Variants in TMEM154 observed in about 807,000 individuals in gnomAD.
TMEM154 encodes the protein transmembrane protein 154.
In TMEM154, 27 loss-of-function variants were observed where a neutral mutation model predicts 24.5. That is an observed-to-expected ratio of 1.10 (90% CI 0.81 to 1.52). The LOEUF (loss-of-function observed/expected upper bound fraction) is 1.52. Among genes scored for constraint, TMEM154 ranks in the 40% most tolerant of loss-of-function variants. TMEM154 has a pLI of 0.00. For synonymous variants in TMEM154, 67 were observed against 76.8 expected, an observed-to-expected ratio of 0.87 and a Z score of 0.67; for missense variants, 228 against 213.4, an observed-to-expected ratio of 1.07 and a Z score of -0.43.
At chr4:152,668,923 T>A (rs765304550) in intron 1 of TMEM154, 1 of 152,340 alleles carries the variant, frequency 6.6e-6, no homozygotes, top group Non-Finnish European at 1.5e-5. Context: ...CTAAAGCAAC[T>A]GGGCTTCTGG....
chr4:152,672,085 C>A (rs1408985034), intron 1 of TMEM154, among the ~76,000 whole-genome samples: 10 of 90,880 alleles, frequency 1.1e-4, no homozygotes, highest in East Asian at 3.3e-4. Context: ...GAGACCCTAT[C>A]TCTATAAAAA....
chr4:152,652,271 G>A lies in TMEM154; in HGVS notation c.364+267C>T, dbSNP rs1448147883. On this transcript the variant is annotated intron_variant, in intron 3 of 6. Transcript: ENST00000304385. Reference sequence around the variant, plus strand: ...AATGGTTGCCATAAAACTTCAATTTGTTAAAAAAAAAAAAAAAAGCAATAC... The same window carrying A: ...AATGGTTGCCATAAAACTTCAATTTATTAAAAAAAAAAAAAAAAGCAATAC... Among the ~76,000 whole-genome samples the A allele has an allele frequency of 7.7e-5, 8 of 103,922 alleles. No individual in the cohort carries two copies. The South Asian group carries it at 2.1e-3, about 27-fold the overall frequency. The allele number at this position is 103,922 out of a possible 152,430, so 68.2% of individuals were successfully genotyped here. A position where few individuals can be genotyped will look rare whatever the true frequency, so the allele number is the denominator to read the frequency against.
At position 152,627,626 on chromosome 4, in the gene TMEM154, G is replaced by A. The variant is rs1751942312; in HGVS notation, c.*920C>T. ...AGAGAATGCTAAGCATGATGAGTGA[G>A]ATCTGCCACAGGCACGGATATTTCC... is the stretch of plus-strand genomic sequence containing the variant. On this transcript the variant is annotated 3_prime_UTR_variant, in exon 7 of 7. Transcript: ENST00000304385. 1 of 152,202 alleles carries A rather than the reference G, an allele frequency of 6.6e-6. No homozygotes were observed. The highest frequency in any genetic ancestry group is 2.4e-5 in the African/African-American group (1 of 41,438). The allele number at this position is 152,202 out of a possible 1,614,324, so 9.4% of individuals were successfully genotyped here. A position where few individuals can be genotyped will look rare whatever the true frequency, so the allele number is the denominator to read the frequency against.
intron 1 of TMEM154, chr4:152,666,777 G>C (rs1444025429): frequency 6.6e-6 from 1 of 152,242 alleles, no homozygotes; most frequent in African/African-American, 2.4e-5. Flanking sequence ...GACACAACCT[G>C]GCTATGGGAG....
intron 1 of TMEM154, among the ~76,000 whole-genome samples, chr4:152,662,735 T>C (rs773013605): frequency 2.6e-5 from 4 of 152,154 alleles, no homozygotes; most frequent in Admixed American, 6.5e-5. Context: ...TAATCGTCCA[T>C]GGAGATTTCC....
At chr4:152,643,005 A>T (rs1752286243) in intron 5 of TMEM154, 83 bp downstream of exon 5, 1 of 1,027,988 alleles carries the variant, frequency 9.7e-7, no homozygotes. Flanking sequence ...TCACTCCAGG[A>T]TTTATTGAGA....
chr4:152,642,051 T>C (rs1318979187), intron 5 of TMEM154, among the ~76,000 whole-genome samples: 2 of 151,646 alleles, frequency 1.3e-5, no homozygotes, highest in Non-Finnish European at 2.9e-5. Context: ...GCCTCCCTAG[T>C]AGCTGGGAGT....
chr4:152,650,673 T>G (rs1297643747), intron 3 of TMEM154, among the ~76,000 whole-genome samples: 1 of 152,208 alleles, frequency 6.6e-6, no homozygotes, highest in Non-Finnish European at 1.5e-5. Context: ...CCCAGAAGAT[T>G]CCTTCCCAGA....
chr4:152,629,263 C>G (rs980463526), intron 6 of TMEM154, among the ~76,000 whole-genome samples: 8 of 152,192 alleles, frequency 5.3e-5, no homozygotes, highest in South Asian at 2.1e-4. Flanking sequence ...ACAAATTTTC[C>G]ACATGCCGTT....
At chr4:152,658,006 A>G (rs1461958268) in intron 1 of TMEM154, among the ~76,000 whole-genome samples, 1 of 152,244 alleles carries the variant, frequency 6.6e-6, no homozygotes, top group African/African-American at 2.4e-5. Flanking sequence ...GCAAAAGAAC[A>G]ATATTTATCA....
intron 1 of TMEM154, among the ~76,000 whole-genome samples, chr4:152,662,932 A>G (rs1044988824): frequency 1.3e-5 from 2 of 152,204 alleles, no homozygotes; most frequent in Admixed American, 1.3e-4. Flanking sequence ...GCATCGTGGA[A>G]GGAAGACAGG....
At chr4:152,652,483 T>A in intron 3 of TMEM154, 55 bp downstream of exon 3, 1 of 1,606,254 alleles carries the variant, frequency 6.2e-7, no homozygotes, top group South Asian at 1.1e-5. Flanking sequence ...AAAACATCTC[T>A]GCTCCTTCTC....
chr4:152,645,371 T>C lies in TMEM154; in HGVS notation c.365-929A>G, dbSNP rs560846883. 2.1e-4 allele frequency among the ~76,000 whole-genome samples: 32 copies of C among 152,354 alleles called. 1 individual carries two copies. In the South Asian group the frequency reaches 6.6e-3, roughly 32 times the overall value. On this transcript the variant is annotated intron_variant, in intron 3 of 6. Transcript: ENST00000304385. Reference sequence around the variant, plus strand: ...TTCCAACAAGCCTGTTTTTAGTTCCTGTTGGTTGAGGTGAGAGTCAGGTAA... The same window carrying C: ...TTCCAACAAGCCTGTTTTTAGTTCCCGTTGGTTGAGGTGAGAGTCAGGTAA...
intron 1 of TMEM154, among the ~76,000 whole-genome samples, chr4:152,655,963 C>G (rs1385343977): frequency 6.6e-6 from 1 of 152,174 alleles, no homozygotes; most frequent in Non-Finnish European, 1.5e-5. Context: ...CAGTGCAGTA[C>G]TTGAGTGTGC....
intron 6 of TMEM154, 139 bp from the exon 7 acceptor site, chr4:152,628,700 A>G (rs9685808): frequency 0.97 from 1,053,649 of 1,080,882 alleles, 513,763 homozygotes; most frequent in East Asian, 0.98. Flanking sequence ...GCAGTGGCAC[A>G]ATCTCGGCCC....
intron 3 of TMEM154, among the ~76,000 whole-genome samples, chr4:152,651,249 T>C (rs890327324): frequency 2.0e-4 from 31 of 151,948 alleles, no homozygotes; most frequent in African/African-American, 7.5e-4. Flanking sequence ...CTCAAACTCC[T>C]GACCTCAAAT....
At chr4:152,678,124 C>T (rs538455376) in intron 1 of TMEM154, among the ~76,000 whole-genome samples, 69 of 151,992 alleles carry the variant, frequency 4.5e-4, no homozygotes, top group African/African-American at 1.3e-3. Context: ...GCAAGAGCCA[C>T]GGAGGGGGAC....
At position 152,628,582 on chromosome 4, in the gene TMEM154, A is replaced by AAAC. The variant is rs1554010606; in HGVS notation, c.537-22_537-21insGTT. On this transcript the variant is annotated intron_variant, in intron 6 of 6. Transcript: ENST00000304385. ...TGTCACTGTAAAAAAAAAAAAAAAA[A>AAAC]AAAAAAAAAACAAAAAAAACACACA... 9.0e-6 allele frequency: 10 copies of AAAC among 1,110,102 alleles called. No homozygotes were observed. In the African/African-American group the frequency reaches 1.3e-4, roughly 15 times the overall value. The allele number at this position is 1,110,102 out of a possible 1,614,324, so 68.8% of individuals were successfully genotyped here. A position where few individuals can be genotyped will look rare whatever the true frequency, so the allele number is the denominator to read the frequency against.
chr4:152,665,879 C>G (rs995239773), intron 1 of TMEM154, among the ~76,000 whole-genome samples: 1 of 151,428 alleles, frequency 6.6e-6, no homozygotes, highest in Non-Finnish European at 1.5e-5. Context: ...CCTTGCACTC[C>G]TGGGCTCAAG....
Sources: gnomAD v4.1 joint callset for allele counts (sites outside exome capture counted in the v4.1 genomes callset) on GRCh38, gnomAD v4.1.1 for gene constraint, MANE v1.5 for transcripts, NCBI Gene and HGNC (gene_info 2026-07-23, HGNC 2026-07-21) for gene names.